Variants in TNRC6B observed in about 807,000 individuals in gnomAD.
The protein encoded by TNRC6B is trinucleotide repeat containing adaptor 6B, also known as trinucleotide repeat-containing gene 6B protein.
In TNRC6B, 52 loss-of-function variants were observed where a neutral mutation model predicts 203.6. The observed-to-expected ratio is 0.26, with a 90% confidence interval of 0.20 to 0.32. The LOEUF is 0.32. Among genes scored for constraint, TNRC6B ranks in the 10% least tolerant of loss-of-function variants. The probability of loss-of-function intolerance (pLI) is 1.00; values close to 1 mark genes in which losing one functional copy is unlikely to be tolerated. For missense variants in TNRC6B, 1,923 were observed against 2,286.2 expected, an observed-to-expected ratio of 0.84 and a Z score of 3.24; for synonymous variants, 838 against 845.7, an observed-to-expected ratio of 0.99 and a Z score of 0.16.
chr22:40,089,860 C>T (rs995225412), intron 1 of TNRC6B, among the ~76,000 whole-genome samples: 3 of 152,172 alleles, frequency 2.0e-5, no homozygotes, highest in Admixed American at 6.5e-5. Flanking sequence ...CCTCCATCTC[C>T]CTGTCTTCTG....
intron 21 of TNRC6B, among the ~76,000 whole-genome samples, 192 bp downstream of exon 21, chr22:40,316,204 A>C (rs1938227762): frequency 6.6e-6 from 1 of 152,120 alleles, no homozygotes; most frequent in Non-Finnish European, 1.5e-5. Flanking sequence ...AATACAAAAA[A>C]TTAGCTGAGC....
intron 4 of TNRC6B, among the ~76,000 whole-genome samples, chr22:40,170,941 A>G (rs549990813): frequency 6.8e-6 from 1 of 146,726 alleles, no homozygotes; most frequent in African/African-American, 2.5e-5. Context: ...CCATATATGT[A>G]CATATAGGTG....
chr22:40,248,155 C>T (rs1232891921), intron 2 of TNRC6B, among the ~76,000 whole-genome samples: 1 of 152,064 alleles, frequency 6.6e-6, no homozygotes, highest in Non-Finnish European at 1.5e-5. Context: ...GGCCACATGC[C>T]CTGTCACTGA....
intron 22 of TNRC6B, 45 bp from the exon 23 acceptor site, chr22:40,322,809 G>C: frequency 6.2e-7 from 1 of 1,610,864 alleles, no homozygotes; most frequent in East Asian, 2.2e-5. Context: ...GTATGCTTTA[G>C]GATTTTCCTG....
chr22:40,306,278 C>T (rs1366330628), intron 15 of TNRC6B, among the ~76,000 whole-genome samples: 1 of 151,788 alleles, frequency 6.6e-6, no homozygotes, highest in East Asian at 1.9e-4. Context: ...GGCGACAGAG[C>T]GAGACTCCGT....
chr22:40,215,336 C>T (rs1438655119), intron 1 of TNRC6B, among the ~76,000 whole-genome samples: 1 of 152,190 alleles, frequency 6.6e-6, no homozygotes, highest in Non-Finnish European at 1.5e-5. Context: ...CCCCAAGCCC[C>T]CATTCTCTGT....
chr22:40,047,620 TTTACA>T (rs1314056963), intron 1 of TNRC6B, among the ~76,000 whole-genome samples: 19 of 152,150 alleles, frequency 1.2e-4, no homozygotes, highest in African/African-American at 4.1e-4. Flanking sequence ...AAAAAAAAAG[TTTACA>T]TTAAGCTCAT....
At chr22:40,088,691 G>C (rs1349952231) in intron 1 of TNRC6B, among the ~76,000 whole-genome samples, 1 of 151,154 alleles carries the variant, frequency 6.6e-6, no homozygotes, top group Non-Finnish European at 1.5e-5. Context: ...CTGACCTCAG[G>C]TGATCCACCC....
At chr22:40,290,002 C>T (rs2070848381) in intron 12 of TNRC6B, among the ~76,000 whole-genome samples, 1 of 152,196 alleles carries the variant, frequency 6.6e-6, no homozygotes, top group Admixed American at 6.5e-5. Context: ...AAAGCGGATC[C>T]TTTTTTACCA....
At chr22:40,233,392 G>A (rs1041808450) in intron 1 of TNRC6B, among the ~76,000 whole-genome samples, 22 of 151,942 alleles carry the variant, frequency 1.4e-4, no homozygotes, top group Admixed American at 1.2e-3. Context: ...GGGAGGCCGA[G>A]GAGGGTGGAT....
intron 1 of TNRC6B, among the ~76,000 whole-genome samples, chr22:40,242,179 AGT>A (rs58498001): frequency 0.045 from 6,656 of 149,446 alleles, 260 homozygotes; most frequent in East Asian, 0.11. Flanking sequence ...AGGGAATAAG[AGT>A]GTGTGTGTGT....
chr22:40,154,387 C>T (rs1185724340), intron 3 of TNRC6B, among the ~76,000 whole-genome samples: 1 of 150,798 alleles, frequency 6.6e-6, no homozygotes, highest in Non-Finnish European at 1.5e-5. Context: ...TCATTTGAAC[C>T]TGGGAGGTGG....
chr22:40,246,175 C>T, intron 2 of TNRC6B, 73 bp downstream of exon 2: 1 of 1,179,198 alleles, frequency 8.5e-7, no homozygotes, highest in South Asian at 1.5e-5. Flanking sequence ...ACTGTCTTGG[C>T]TTGAATATCC....
chr22:40,083,021 A>G (rs557489673), intron 1 of TNRC6B, among the ~76,000 whole-genome samples: 3 of 152,234 alleles, frequency 2.0e-5, no homozygotes, highest in Non-Finnish European at 4.4e-5. Context: ...AGATATAAAT[A>G]TGAAGGTTTT....
chr22:40,126,508 C>T (rs1031555955), intron 3 of TNRC6B, among the ~76,000 whole-genome samples: 1 of 146,494 alleles, frequency 6.8e-6, no homozygotes, highest in African/African-American at 2.5e-5. Flanking sequence ...ATTTGGTTTT[C>T]TGTTTCTGTG....
intron 1 of TNRC6B, among the ~76,000 whole-genome samples, chr22:40,180,838 A>G (rs2069120946): frequency 6.6e-6 from 1 of 152,332 alleles, no homozygotes; most frequent in Admixed American, 6.5e-5. Context: ...GAGATGGCAT[A>G]TGCAGAGGAA....
At chr22:40,046,062 A>C (rs1457568127) in intron 1 of TNRC6B, among the ~76,000 whole-genome samples, 2 of 152,362 alleles carry the variant, frequency 1.3e-5, no homozygotes, top group Non-Finnish European at 2.9e-5. Context: ...GAATCAGTGA[A>C]TGAAACATTA....
At chr22:40,241,332 A>G (rs932424202) in intron 1 of TNRC6B, among the ~76,000 whole-genome samples, 1 of 152,208 alleles carries the variant, frequency 6.6e-6, no homozygotes, top group African/African-American at 2.4e-5. Flanking sequence ...GAAAAAATTA[A>G]CACACCGATT....
At chr22:40,127,858 C>G in intron 3 of TNRC6B, among the ~76,000 whole-genome samples, 2 of 152,038 alleles carry the variant, frequency 1.3e-5, no homozygotes, top group African/African-American at 4.8e-5. Flanking sequence ...GCAGCAAAGC[C>G]AGACCCTGCC....
Sources: allele counts gnomAD v4.1 joint callset (sites outside exome capture counted in the v4.1 genomes callset), GRCh38; gene constraint gnomAD v4.1.1; transcripts MANE v1.5; gene names NCBI Gene and HGNC (gene_info 2026-07-23, HGNC 2026-07-21).